Variants in LIX1L observed in about 807,000 individuals in gnomAD.
LIX1L encodes limb and CNS expressed 1 like.
In LIX1L, 20 loss-of-function variants were observed where a neutral mutation model predicts 34.0. The observed-to-expected ratio is 0.59, with a 90% CI of 0.41 to 0.85. The LOEUF (loss-of-function observed/expected upper bound fraction) is 0.85. Among genes scored for constraint, LIX1L ranks in the 40% least tolerant of loss-of-function variants. The probability of loss-of-function intolerance (pLI) is 0.00; values close to 1 mark genes in which losing one functional copy is unlikely to be tolerated. For missense variants in LIX1L, 397 were observed against 447.0 expected, an observed-to-expected ratio of 0.89 and a Z score of 1.01; for synonymous variants, 170 against 187.4, an observed-to-expected ratio of 0.91 and a Z score of 0.76.
At chr1:145,951,688 C>T (rs1486926675) in intron 1 of LIX1L, among the ~76,000 whole-genome samples, 7 of 152,168 alleles carry the variant, frequency 4.6e-5, no homozygotes, top group African/African-American at 7.2e-5. Context: ...TTGTTCTTTC[C>T]GTGAGATCTT....
chr1:145,937,386 T>C, intron 4 of LIX1L: 1 of 370,760 alleles, frequency 2.7e-6, no homozygotes, highest in Non-Finnish European at 4.9e-6. Flanking sequence ...CTCAAACTCC[T>C]GGCCTCAAGT....
chr1:145,955,824 G>A (rs897589127), intron 1 of LIX1L, among the ~76,000 whole-genome samples: 7 of 152,196 alleles, frequency 4.6e-5, no homozygotes, highest in African/African-American at 1.7e-4. Flanking sequence ...ATTGCCCTTT[G>A]TCAGTACAAT....
intron 2 of LIX1L, among the ~76,000 whole-genome samples, chr1:145,945,639 T>C (rs1649073983): frequency 6.6e-6 from 1 of 150,850 alleles, no homozygotes; most frequent in South Asian, 2.1e-4. Context: ...TCCCAGCTAC[T>C]TGGGAGGCTG....
At chr1:145,952,200 A>G (rs587628279) in intron 1 of LIX1L, among the ~76,000 whole-genome samples, 2 of 152,326 alleles carry the variant, frequency 1.3e-5, no homozygotes, top group African/African-American at 4.8e-5. Flanking sequence ...ACAGGCTCCA[A>G]GGTCCAGTCC....
chr1:145,937,693 T>C lies in LIX1L; in HGVS notation c.604A>G (p.Arg202Gly). 6.2e-7 allele frequency: 1 copy of C among 1,605,984 alleles called. No homozygotes were observed. Among genetic ancestry groups the C allele is most frequent in the Non-Finnish European group, 8.5e-7 (1 of 1,172,602 alleles). Reference protein sequence around the residue: ...SEALASFNGNREEADNPNTGI... With the variant: ...SEALASFNGNGEEADNPNTGI... The stretch of plus-strand genomic sequence containing the variant: ...GTATTTGGGTTGTCAGCTTCCTCCC[T>C]GTTGCCCTGGTAGTAGAGGAACAGA... The change falls in exon 4 of 6, where the codon AGG (arginine) becomes GGG (glycine). Residue 202 changes from arginine to glycine, a missense_variant. Around this residue, in one of 3 missense-constraint regions of LIX1L, gnomAD observed 174 missense variants for 204.0 expected, o/e 0.85. Transcript: ENST00000604000.
chr1:145,938,682 G>A (rs936528359), intron 3 of LIX1L, among the ~76,000 whole-genome samples: 1 of 151,866 alleles, frequency 6.6e-6, no homozygotes, highest in South Asian at 2.1e-4. Flanking sequence ...CCGCCTCCTG[G>A]GTTCAAGTGA....
chr1:145,947,367 C>A, intron 2 of LIX1L: 1 of 425,674 alleles, frequency 2.3e-6, no homozygotes, highest in Non-Finnish European at 4.3e-6. Flanking sequence ...TGCTGGTAGT[C>A]GGATATACTG....
In LIX1L at chr1:145,935,795, G is replaced by A. The variant is rs1400338506; in HGVS notation, c.*515C>T. ...GTAGGGAAGGAAGCCTCAAAACAAA[G>A]TGGCAATTTGGAGGCAGAGAAGGAA... On this transcript the variant is annotated 3_prime_UTR_variant, in exon 6 of 6. Transcript: ENST00000604000. 8 of 157,328 alleles carry A rather than the reference G, an allele frequency of 5.1e-5. No homozygotes were observed. The highest frequency in any genetic ancestry group is 1.9e-4 in the African/African-American group (8 of 41,878). 9.7% of individuals were successfully genotyped at this position (157,328 alleles called of 1,614,324 possible). A position where few individuals can be genotyped will look rare whatever the true frequency, so the allele number is the denominator to read the frequency against.
chr1:145,944,472 GGTAA>G (rs1649032062), intron 2 of LIX1L: 1 of 152,186 alleles, frequency 6.6e-6, no homozygotes, highest in Non-Finnish European at 1.5e-5. Flanking sequence ...TATGAGGCTT[GGTAA>G]GTAAGTCCTA....
chr1:145,942,708 C>T lies in LIX1L; in HGVS notation c.597+5G>A, dbSNP rs1553758816. 6.2e-7 allele frequency: 1 copy of T among 1,613,882 alleles called. No homozygotes were observed. The highest frequency in any genetic ancestry group is 1.7e-5 in the Admixed American group (1 of 60,024). ...TCTCCTTCCTTCCAGCTCCATACAA[C>T]TTACATTAAAAGATGCCAGGGCCTC... On this transcript the variant is annotated splice_donor_5th_base_variant and intron_variant, in intron 3 of 5. Coordinates refer to ENST00000604000, the MANE Select transcript of LIX1L (RefSeq NM_153713.3).
intron 3 of LIX1L, 40 bp downstream of exon 3, chr1:145,942,673 C>A (rs782252727): frequency 4.9e-5 from 79 of 1,601,480 alleles, no homozygotes; most frequent in Non-Finnish European, 6.2e-5. Flanking sequence ...CCAGTTCTCC[C>A]ATCTCCCACT....
intron 1 of LIX1L, among the ~76,000 whole-genome samples, chr1:145,956,406 A>G (rs1649475599): frequency 6.6e-6 from 1 of 152,190 alleles, no homozygotes; most frequent in Admixed American, 6.6e-5. Flanking sequence ...GATAATAATC[A>G]TTTTTAGGTT....
chr1:145,957,985 C>T lies in LIX1L; in HGVS notation c.-58G>A. The T allele has an allele frequency of 2.4e-6, 3 of 1,238,818 alleles. No individual in the cohort carries two copies. The highest frequency in any genetic ancestry group is 3.2e-6 in the Non-Finnish European group (3 of 942,748). The allele number at this position is 1,238,818 out of a possible 1,614,324, so 76.7% of individuals were successfully genotyped here. A position where few individuals can be genotyped will look rare whatever the true frequency, so the allele number is the denominator to read the frequency against. ...TGCCAGCCTGCCGAGCTAACGGTCCCAACCACCCCAGTCAGCTAGCGCCTG... is the reference window on the plus strand; with the variant it reads ...TGCCAGCCTGCCGAGCTAACGGTCCTAACCACCCCAGTCAGCTAGCGCCTG... On this transcript the variant is annotated 5_prime_UTR_variant, in exon 1 of 6. Coordinates refer to ENST00000604000, the MANE Select transcript of LIX1L (RefSeq NM_153713.3).
intron 3 of LIX1L, among the ~76,000 whole-genome samples, chr1:145,940,253 A>G (rs977665782): frequency 6.6e-6 from 1 of 152,110 alleles, no homozygotes; most frequent in Non-Finnish European, 1.5e-5. Flanking sequence ...GGCGTGAGCC[A>G]CCGCGCCAAC....
At position 145,957,619 on chromosome 1, in the gene LIX1L, C is replaced by A; in HGVS notation, c.292+17G>T. On this transcript the variant is annotated intron_variant, in intron 1 of 5. Transcript: ENST00000604000. ...TTACAGAGGGTGTCGCGCAGGAGGC[C>A]AGACCCGCAGACTCACCTCGGCCAT... 3 of 1,506,362 alleles carry A rather than the reference C, an allele frequency of 2.0e-6. No individual in the cohort carries two copies. The highest frequency in any genetic ancestry group is 1.8e-6 in the Non-Finnish European group (2 of 1,134,152). The allele number at this position is 1,506,362 out of a possible 1,614,324, so 93.3% of individuals were successfully genotyped here.
Position 145,948,898 on chromosome 1 carries a change from A to C in LIX1L, c.293-1116T>G, listed in dbSNP as rs782090836. On this transcript the variant is annotated intron_variant, in intron 1 of 5. Coordinates refer to ENST00000604000, the MANE Select transcript of LIX1L (RefSeq NM_153713.3). The surrounding 1 kb of genome is among the most constrained non-coding windows in gnomAD (Gnocchi z 4.0). Reference sequence around the variant, plus strand: ...GCAAGTTCCCCAAGCTGTGGGTTCTATAAGTGTTCCTCTGTTGTGAAGCAA... The same window carrying C: ...GCAAGTTCCCCAAGCTGTGGGTTCTCTAAGTGTTCCTCTGTTGTGAAGCAA... 6.6e-6 allele frequency: 1 copy of C among 152,222 alleles called. No individual in the cohort carries two copies. The highest frequency in any genetic ancestry group is 1.5e-5 in the Non-Finnish European group (1 of 68,044). 9.4% of individuals were successfully genotyped at this position (152,222 alleles called of 1,614,324 possible). A position where few individuals can be genotyped will look rare whatever the true frequency, so the allele number is the denominator to read the frequency against.
intron 2 of LIX1L, among the ~76,000 whole-genome samples, chr1:145,945,748 CA>C (rs1289472683): frequency 0.011 from 876 of 78,352 alleles, 1 homozygote; most frequent in Middle Eastern, 0.054. Flanking sequence ...GACTCTATCT[CA>C]AAAAAAAAAA....
At chr1:145,940,693 G>GGC (rs1648878169) in intron 3 of LIX1L, among the ~76,000 whole-genome samples, 1 of 150,836 alleles carries the variant, frequency 6.6e-6, no homozygotes, top group Non-Finnish European at 1.5e-5. Context: ...TGGGACTACA[G>GGC]GCGCGCACCA....
At position 145,957,769 on chromosome 1, in the gene LIX1L, C is replaced by A; in HGVS notation, c.159G>T (p.Pro53=). ...PPAPPPPAPP[P]PPLLLSGAPG... is the part of the protein sequence containing the mutation. ...GGGCCCCAGACAGGAGCAGCGGCGG[C>A]GGGGGCGGTGCGGGAGGCGGCGGGG... Residue 53 remains proline, a synonymous_variant, in exon 1 of 6, where the codon CCG becomes CCT. Transcript: ENST00000604000. 2 of 1,346,178 alleles carry A rather than the reference C, an allele frequency of 1.5e-6. No individual in the cohort carries two copies. The highest frequency in any genetic ancestry group is 1.9e-6 in the Non-Finnish European group (2 of 1,057,250). The allele number at this position is 1,346,178 out of a possible 1,614,324, so 83.4% of individuals were successfully genotyped here.
Sources: gnomAD v4.1 joint callset for allele counts (sites outside exome capture counted in the v4.1 genomes callset) on GRCh38, gnomAD v4.1.1 for gene constraint, gnomAD v4.1.1 regional missense constraint, Gnocchi (gnomAD v3.1) non-coding constraint, MANE v1.5 for transcripts, NCBI Gene and HGNC (gene_info 2026-07-23, HGNC 2026-07-21) for gene names.